The following GALNT7 variants were observed in gnomAD, a reference collection of about 807,000 sequenced individuals.
The protein encoded by GALNT7 is N-acetylgalactosaminyltransferase 7.
In GALNT7, 60 loss-of-function variants were observed where a neutral mutation model predicts 82.1. The ratio of observed to expected loss-of-function variants is 0.73; its 90% CI spans 0.59 to 0.91. The LOEUF is 0.91. GALNT7 is among the 40% of genes least tolerant of loss of function. The probability of loss-of-function intolerance (pLI) is 0.00; values close to 1 mark genes in which losing one functional copy is unlikely to be tolerated. For synonymous variants in GALNT7, 243 were observed against 275.1 expected (o/e 0.88, Z 1.15); for missense variants, 660 against 804.2 (o/e 0.82, Z 2.17).
intron 1 of GALNT7, among the ~76,000 whole-genome samples, chr4:173,237,182 G>A (rs1019881347): frequency 6.6e-6 from 1 of 152,134 alleles, no homozygotes; most frequent in African/African-American, 2.4e-5. Context: ...AAGCTTTGAG[G>A]TATTTTTTTC....
intron 1 of GALNT7, among the ~76,000 whole-genome samples, chr4:173,178,041 GTGTGTGTGTGTGCGCGCA>G (rs1183274129): frequency 5.7e-5 from 7 of 122,674 alleles, no homozygotes; most frequent in African/African-American, 1.4e-4. Context: ...GTGTGTGTGT[GTGTGTGTGTGTGCGCGCA>G]CGCGCGTGCG....
intron 1 of GALNT7, among the ~76,000 whole-genome samples, chr4:173,171,242 AG>A: frequency 6.6e-6 from 1 of 152,342 alleles, no homozygotes; most frequent in South Asian, 2.1e-4. Context: ...GTACAGTGCT[AG>A]AAGGACAAAT....
chr4:173,307,897 C>T (rs1737219532), intron 8 of GALNT7, among the ~76,000 whole-genome samples: 1 of 152,152 alleles, frequency 6.6e-6, no homozygotes, highest in Non-Finnish European at 1.5e-5. Context: ...GGTGAATGTT[C>T]AGATGCATCT....
chr4:173,186,551 C>G (rs187185344), intron 1 of GALNT7, among the ~76,000 whole-genome samples: 22 of 152,188 alleles, frequency 1.4e-4, no homozygotes, highest in Non-Finnish European at 2.9e-4. Context: ...CCTTCTGTTC[C>G]TTCTTCTTGG....
At chr4:173,265,240 T>C (rs1029455281) in intron 2 of GALNT7, among the ~76,000 whole-genome samples, 16 of 152,196 alleles carry the variant, frequency 1.1e-4, no homozygotes, top group Admixed American at 2.6e-4. Flanking sequence ...AATCCTGTTA[T>C]GAGAATGTCT....
chr4:173,297,111 G>C (rs939953714), intron 5 of GALNT7, among the ~76,000 whole-genome samples: 6 of 152,066 alleles, frequency 3.9e-5, no homozygotes, highest in African/African-American at 1.4e-4. Flanking sequence ...ATTGGTTATA[G>C]AGTACTAGCA....
At chr4:173,296,795 G>A (rs1427436919) in intron 5 of GALNT7, among the ~76,000 whole-genome samples, 1 of 152,130 alleles carries the variant, frequency 6.6e-6, no homozygotes, top group African/African-American at 2.4e-5. Flanking sequence ...GCAGGCTTCT[G>A]GGCAGTGAGG....
rs540752223 is a variant in GALNT7 at position 173,259,127 on chromosome 4, C to A, written c.587+10687C>A. Among the ~76,000 whole-genome samples the A allele has an allele frequency of 5.0e-4, 76 of 152,268 alleles. 1 individual carries two copies. In the South Asian group the frequency reaches 0.015, roughly 30 times the overall value. On this transcript the variant is annotated intron_variant, in intron 2 of 11. Transcript: ENST00000265000. ...TGCCCCCTGGGGGGCAAAATCACCC[C>A]TGATTAAAAATCACTGCTGTAAGGG...
rs373680080 is a variant in GALNT7, at chr4:173,246,357, T to C, written c.127-1623T>C. ...CTTACAGGTTCCTTTTTTAATGAGT[T>C]AGTTAAAATTTATGTCCCATCTTCA... On this transcript the variant is annotated intron_variant, in intron 1 of 11. Coordinates refer to ENST00000265000, the MANE Select transcript of GALNT7 (RefSeq NM_017423.3). Among the ~76,000 whole-genome samples, 4 of 152,338 alleles carry C rather than the reference T, an allele frequency of 2.6e-5. No individual in the cohort carries two copies. In the East Asian group the frequency reaches 5.8e-4, roughly 22 times the overall value.
At chr4:173,181,332 C>T (rs1477283553) in intron 1 of GALNT7, among the ~76,000 whole-genome samples, 2 of 152,098 alleles carry the variant, frequency 1.3e-5, no homozygotes, top group Non-Finnish European at 2.9e-5. Context: ...ATTCTAAGTC[C>T]AGTGTTCGTC....
intron 1 of GALNT7, among the ~76,000 whole-genome samples, chr4:173,170,008 C>T (rs1172860692): frequency 3.3e-5 from 5 of 152,102 alleles, no homozygotes; most frequent in Non-Finnish European, 7.4e-5. Flanking sequence ...AGGGTTTAGT[C>T]AGGCGCCTCG....
intron 1 of GALNT7, among the ~76,000 whole-genome samples, chr4:173,239,251 A>G (rs916009220): frequency 9.9e-5 from 15 of 152,246 alleles, no homozygotes; most frequent in African/African-American, 3.4e-4. Flanking sequence ...TGGATTCCCA[A>G]AATGCTAGCT....
At chr4:173,256,135 A>G (rs1373092788) in intron 2 of GALNT7, among the ~76,000 whole-genome samples, 1 of 152,204 alleles carries the variant, frequency 6.6e-6, no homozygotes. Flanking sequence ...TCTTCTGCAG[A>G]AGTGTTTTTA....
At position 173,321,681 on chromosome 4, in the gene GALNT7, T is replaced by C. The variant is rs781302210; in HGVS notation, c.1938T>C (p.Thr646=). ...CCAATTGTGACTCCAGTAAAACGACTCAAAAATGGGAAATGAATAACATCC... is the reference window on the plus strand; with the variant it reads ...CCAATTGTGACTCCAGTAAAACGACCCAAAAATGGGAAATGAATAACATCC... ...FISNCDSSKT[T]QKWEMNNIHS... The change falls in exon 12 of 12, where the codon ACT becomes ACC. Residue 646 remains threonine (T), a synonymous_variant. Coordinates refer to ENST00000265000, the MANE Select transcript of GALNT7 (RefSeq NM_017423.3). 2.5e-6 allele frequency: 4 copies of C among 1,608,122 alleles called. No homozygotes were observed. The highest frequency in any genetic ancestry group is 3.4e-6 in the Non-Finnish European group (4 of 1,174,818).
chr4:173,262,611 A>AT (rs1447141285), intron 2 of GALNT7, among the ~76,000 whole-genome samples: 1 of 152,184 alleles, frequency 6.6e-6, no homozygotes, highest in African/African-American at 2.4e-5. Context: ...GGCTCCCTTC[A>AT]TTCATGTTCA....
chr4:173,205,724 A>G (rs959298818), intron 1 of GALNT7, among the ~76,000 whole-genome samples: 2 of 151,958 alleles, frequency 1.3e-5, no homozygotes, highest in Admixed American at 1.3e-4. Flanking sequence ...TGTGTAGGGC[A>G]ATCTGGCCCT....
intron 1 of GALNT7, among the ~76,000 whole-genome samples, chr4:173,198,801 A>G (rs1006819058): frequency 6.6e-6 from 1 of 152,142 alleles, no homozygotes; most frequent in Non-Finnish European, 1.5e-5. Context: ...GAGTAAAAAG[A>G]TTGAAATGAT....
chr4:173,197,720 C>T (rs1288086208), intron 1 of GALNT7, among the ~76,000 whole-genome samples: 1 of 152,106 alleles, frequency 6.6e-6, no homozygotes, highest in Non-Finnish European at 1.5e-5. Context: ...CAGGGTCATC[C>T]CATAGGATGT....
At chr4:173,216,721 A>ATT (rs1561157851) in intron 1 of GALNT7, among the ~76,000 whole-genome samples, 7 of 11,308 alleles carry the variant, frequency 6.2e-4, no homozygotes, top group Admixed American at 1.7e-3. Context: ...ATATATATAT[A>ATT]TATATATTTT....
Sources: gnomAD v4.1 joint callset for allele counts (sites outside exome capture counted in the v4.1 genomes callset) on GRCh38, gnomAD v4.1.1 for gene constraint, MANE v1.5 for transcripts, NCBI Gene and HGNC (gene_info 2026-07-23, HGNC 2026-07-21) for gene names.